CCDC12: variants seen among roughly 807,000 people sequenced by gnomAD.
CCDC12 encodes coiled-coil domain containing 12.
A neutral mutation model predicts 25.7 loss-of-function variants in CCDC12; 28 were observed. The ratio of observed to expected loss-of-function variants is 1.09; its 90% CI spans 0.81 to 1.50. CCDC12 has a LOEUF of 1.50. Ranked by LOEUF, CCDC12 falls within the 40% of genes most tolerant of loss-of-function variation. CCDC12 has a pLI of 0.00. For missense variants in CCDC12, 198 were observed against 210.0 expected (o/e 0.94, Z 0.35); for synonymous variants, 75 against 87.7 (o/e 0.86, Z 0.81).
At chr3:46,960,618 C>T (rs563557445) in intron 1 of CCDC12, among the ~76,000 whole-genome samples, 15 of 152,364 alleles carry the variant, frequency 9.8e-5, no homozygotes, top group Non-Finnish European at 1.6e-4. Context: ...GCCGAAGCAA[C>T]TGTTTTTCCT....
chr3:46,954,045 C>T (rs994931877), intron 1 of CCDC12, among the ~76,000 whole-genome samples: 2 of 152,178 alleles, frequency 1.3e-5, no homozygotes, highest in African/African-American at 4.8e-5. Flanking sequence ...ATTGGAAGAC[C>T]CCTCCCCTGG....
intron 1 of CCDC12, among the ~76,000 whole-genome samples, chr3:46,947,385 C>A (rs1263655020): frequency 6.6e-6 from 1 of 152,216 alleles, no homozygotes; most frequent in Non-Finnish European, 1.5e-5. Flanking sequence ...GGTGGAGGGA[C>A]TTCCTGTCGG....
chr3:46,978,748 T>A (rs535310486), upstream of CCDC12, among the ~76,000 whole-genome samples: 3 of 149,668 alleles, frequency 2.0e-5, no homozygotes, highest in African/African-American at 7.4e-5. Flanking sequence ...CTTTGGGAGG[T>A]CGAGGCGGGT....
chr3:46,952,931 T>C (rs2034172947), intron 1 of CCDC12, among the ~76,000 whole-genome samples: 1 of 152,184 alleles, frequency 6.6e-6, no homozygotes, highest in South Asian at 2.1e-4. Context: ...CATAGGCTGA[T>C]TCCCTCTAGA....
Position 46,923,678 on chromosome 3 carries a change from G to A in CCDC12, c.245-10C>T, listed in dbSNP as rs534256069. 2.6e-6 allele frequency: 4 copies of A among 1,523,236 alleles called. No individual in the cohort carries two copies. In the South Asian group the frequency reaches 5.2e-5, roughly 20 times the overall value. 94.4% of individuals were successfully genotyped at this position (1,523,236 alleles called of 1,614,324 possible). A position where few individuals can be genotyped will look rare whatever the true frequency, so the allele number is the denominator to read the frequency against. On this transcript the variant is annotated splice_polypyrimidine_tract_variant and intron_variant, in intron 3 of 6. Transcript: ENST00000683445. Reference sequence around the variant, plus strand: ...TTCACCTTCTCCTCCACTAGAGGGTGCAATTAAACAGAGAAGGCCTGTGGA... The same window carrying A: ...TTCACCTTCTCCTCCACTAGAGGGTACAATTAAACAGAGAAGGCCTGTGGA...
chr3:46,949,514 G>A (rs2034033100), intron 1 of CCDC12, among the ~76,000 whole-genome samples: 1 of 152,200 alleles, frequency 6.6e-6, no homozygotes, highest in South Asian at 2.1e-4. Context: ...TCCCTGTAGG[G>A]GCACTGTGGT....
chr3:46,935,782 G>A (rs1396466246), intron 2 of CCDC12, among the ~76,000 whole-genome samples: 1 of 152,206 alleles, frequency 6.6e-6, no homozygotes, highest in African/African-American at 2.4e-5. Context: ...GGAGCTGCTG[G>A]AGCTCACTCC....
intron 1 of CCDC12, among the ~76,000 whole-genome samples, chr3:46,948,564 A>G (rs2107155371): frequency 6.6e-6 from 1 of 152,338 alleles, no homozygotes; most frequent in South Asian, 2.1e-4. Context: ...AGGGTGTGGC[A>G]GCCTTCAGGC....
intron 2 of CCDC12, chr3:46,940,731 G>A (rs2033667306): frequency 2.0e-6 from 1 of 499,988 alleles, no homozygotes; most frequent in African/African-American, 1.9e-5. Context: ...TATGAGAAGG[G>A]TAAAAAGGCA....
At chr3:46,977,687 G>A (rs563220869), upstream of CCDC12, among the ~76,000 whole-genome samples, 19 of 152,206 alleles carry the variant, frequency 1.2e-4, no homozygotes, top group Admixed American at 5.9e-4. Context: ...ACTCAAAGAT[G>A]ATCCCCTCTC....
At chr3:46,957,996 C>CACACATACACACAT (rs113627328) in intron 1 of CCDC12, among the ~76,000 whole-genome samples, 1 of 142,582 alleles carries the variant, frequency 7.0e-6, no homozygotes, top group South Asian at 2.4e-4. Context: ...CACACACACA[C>CACACATACACACAT]ATATATATGT....
chr3:46,968,118 T>G (rs2034692933), intron 1 of CCDC12, among the ~76,000 whole-genome samples: 1 of 151,948 alleles, frequency 6.6e-6, no homozygotes, highest in Non-Finnish European at 1.5e-5. Flanking sequence ...GAACCCCAAA[T>G]CTCCCACCCA....
intron 1 of CCDC12, chr3:46,976,392 G>A (rs1479722464): frequency 7.1e-7 from 1 of 1,399,220 alleles, no homozygotes; most frequent in Non-Finnish European, 9.3e-7. Flanking sequence ...ATGGACTGCG[G>A]GTCGCTGACC....
At chr3:46,957,622 G>A (rs535194879) in intron 1 of CCDC12, among the ~76,000 whole-genome samples, 2 of 152,252 alleles carry the variant, frequency 1.3e-5, no homozygotes, top group African/African-American at 4.8e-5. Flanking sequence ...TTACGTTTCA[G>A]TACTGACTGA....
chr3:46,974,533 T>A (rs148821863), intron 1 of CCDC12, among the ~76,000 whole-genome samples: 1 of 150,672 alleles, frequency 6.6e-6, no homozygotes, highest in East Asian at 2.0e-4. Flanking sequence ...TTTGAAAGGC[T>A]GAGGTTTGAG....
intron 2 of CCDC12, among the ~76,000 whole-genome samples, chr3:46,931,604 G>GGAGGGAGGTCT (rs372614052): frequency 7.2e-4 from 110 of 152,038 alleles, no homozygotes; most frequent in Admixed American, 2.6e-3. Flanking sequence ...CTGCTGCCCT[G>GGAGGGAGGTCT]GGCCCCTGGA....
chr3:46,963,691 C>T (rs1167679547), intron 1 of CCDC12, among the ~76,000 whole-genome samples: 1 of 152,280 alleles, frequency 6.6e-6, no homozygotes, highest in East Asian at 1.9e-4. Flanking sequence ...CTCCTAACCG[C>T]GAGTGATCCG....
chr3:46,951,732 A>T (rs1362417105), intron 1 of CCDC12, among the ~76,000 whole-genome samples: 1 of 136,698 alleles, frequency 7.3e-6, no homozygotes, highest in African/African-American at 2.8e-5. Flanking sequence ...GTGAGCCAAG[A>T]TTGTGCCACT....
chr3:46,923,498 G>T, intron 4 of CCDC12, 109 bp downstream of exon 4: 2 of 1,455,246 alleles, frequency 1.4e-6, no homozygotes, highest in South Asian at 1.2e-5. Flanking sequence ...CTGGTGGGAA[G>T]GGAATAAAGA....
Sources: gnomAD v4.1 joint callset for allele counts (sites outside exome capture counted in the v4.1 genomes callset) on GRCh38, gnomAD v4.1.1 for gene constraint, MANE v1.5 for transcripts, NCBI Gene and HGNC (gene_info 2026-07-23, HGNC 2026-07-21) for gene names.